The following GRID2 variants were observed in gnomAD, a reference collection of about 807,000 sequenced individuals.
The protein encoded by GRID2 is glutamate ionotropic receptor delta type subunit 2.
In GRID2, 33 loss-of-function variants were observed where a neutral mutation model predicts 114.8. The observed-to-expected ratio is 0.29, with a 90% CI of 0.22 to 0.38. GRID2 has a LOEUF of 0.38. Ranked by LOEUF, GRID2 falls within the 10% of genes least tolerant of loss-of-function variation. The pLI is 1.00. For missense variants in GRID2, 1,184 were observed against 1,257.7 expected (o/e 0.94, Z 0.89); for synonymous variants, 505 against 449.9 (o/e 1.12, Z -1.55).
In GRID2 at chr4:92,743,949, C is replaced by T. The variant is rs189641861; in HGVS notation, c.244+153663C>T. Among the ~76,000 whole-genome samples the T allele has an allele frequency of 3.6e-3, 553 of 152,152 alleles. 2 individuals carry two copies. Among genetic ancestry groups the T allele is most frequent in the African/African-American group, 0.013 (528 of 41,500 alleles). On this transcript the variant is annotated intron_variant, in intron 2 of 15. Coordinates refer to ENST00000282020, the MANE Select transcript of GRID2 (RefSeq NM_001510.4). ...TTCAGGTTTCTTAAGTCTATTTGAC[C>T]GCTTGATATGATGCTCCTTAGTTCT...
chr4:92,826,254 A>G (rs1051354396), intron 2 of GRID2, among the ~76,000 whole-genome samples: 1 of 152,022 alleles, frequency 6.6e-6, no homozygotes, highest in African/African-American at 2.4e-5. Flanking sequence ...TGCACTTGCT[A>G]TCCTCTGCCT....
chr4:93,264,642 A>G (rs1173485066), intron 8 of GRID2, among the ~76,000 whole-genome samples: 1 of 149,288 alleles, frequency 6.7e-6, no homozygotes, highest in African/African-American at 2.5e-5. Context: ...ACATAATTTC[A>G]GTGCCTAGGT....
intron 1 of GRID2, among the ~76,000 whole-genome samples, chr4:92,389,610 C>A (rs181072277): frequency 6.6e-6 from 1 of 152,040 alleles, no homozygotes; most frequent in African/African-American, 2.4e-5. Context: ...CTGGAATTTC[C>A]TTCCATCTAA....
intron 2 of GRID2, among the ~76,000 whole-genome samples, chr4:92,643,018 C>T (rs777370000): frequency 2.0e-5 from 3 of 151,442 alleles, no homozygotes; most frequent in Admixed American, 6.6e-5. Context: ...TATAGTTTGA[C>T]GTTAAGTAAT....
intron 1 of GRID2, among the ~76,000 whole-genome samples, chr4:92,501,134 G>A (rs1254228678): frequency 1.3e-5 from 2 of 152,106 alleles, no homozygotes; most frequent in East Asian, 1.9e-4. Context: ...AGGACAACAG[G>A]AATGCATTCG....
At chr4:93,722,299 G>A (rs1729453205) in intron 14 of GRID2, among the ~76,000 whole-genome samples, 1 of 152,008 alleles carries the variant, frequency 6.6e-6, no homozygotes, top group Non-Finnish European at 1.5e-5. Flanking sequence ...CCACCCCAAG[G>A]TTATATGCTA....
At chr4:93,739,637 A>C (rs1400939313) in intron 14 of GRID2, among the ~76,000 whole-genome samples, 1 of 152,180 alleles carries the variant, frequency 6.6e-6, no homozygotes, top group Non-Finnish European at 1.5e-5. Context: ...AGTTGCCACT[A>C]TCCAAAAAAT....
intron 11 of GRID2, among the ~76,000 whole-genome samples, chr4:93,473,426 T>C (rs1184752366): frequency 6.6e-6 from 1 of 152,138 alleles, no homozygotes; most frequent in Non-Finnish European, 1.5e-5. Context: ...TTTAGAAAAG[T>C]AATAGTCAAT....
At chr4:93,137,342 C>A (rs1019291083) in intron 4 of GRID2, among the ~76,000 whole-genome samples, 1 of 152,120 alleles carries the variant, frequency 6.6e-6, no homozygotes, top group Non-Finnish European at 1.5e-5. Context: ...ATTATGATTA[C>A]TATGCAGGAT....
Position 93,555,407 on chromosome 4 carries a change from C to T in GRID2, c.2193+39996C>T, listed in dbSNP as rs113925387. ...AGAAGTCTCAAGTCGACCTGGGATG[C>T]TCGAGCTTGGTGCGGGGAAGGGAGT... On this transcript the variant is annotated intron_variant, in intron 13 of 15. Coordinates refer to ENST00000282020, the MANE Select transcript of GRID2 (RefSeq NM_001510.4). Among the ~76,000 whole-genome samples, 268 of 152,276 alleles carry T rather than the reference C, an allele frequency of 1.8e-3. 1 individual carries two copies. Among genetic ancestry groups the T allele is most frequent in the African/African-American group, 6.1e-3 (254 of 41,584 alleles).
At chr4:93,187,763 A>G (rs1740574103) in intron 4 of GRID2, among the ~76,000 whole-genome samples, 1 of 152,248 alleles carries the variant, frequency 6.6e-6, no homozygotes, top group Non-Finnish European at 1.5e-5. Flanking sequence ...GATTGGACAG[A>G]CATAGAAAAC....
intron 2 of GRID2, among the ~76,000 whole-genome samples, chr4:93,015,839 T>C (rs1410579072): frequency 1.3e-5 from 2 of 151,322 alleles, no homozygotes; most frequent in Non-Finnish European, 2.9e-5. Context: ...TAGATCAGTG[T>C]TTCTTATAGC....
At chr4:93,134,058 C>T (rs530816625) in intron 4 of GRID2, among the ~76,000 whole-genome samples, 1 of 152,158 alleles carries the variant, frequency 6.6e-6, no homozygotes, top group East Asian at 1.9e-4. Context: ...TAACTCATCT[C>T]CCAGTTAAAC....
At chr4:92,666,782 ATG>A (rs1311627784) in intron 2 of GRID2, among the ~76,000 whole-genome samples, 1 of 150,360 alleles carries the variant, frequency 6.7e-6, no homozygotes, top group Non-Finnish European at 1.5e-5. Flanking sequence ...GTTCACAAAA[ATG>A]AGAAAAAGAA....
At chr4:92,526,339 A>AT (rs1411963472) in intron 1 of GRID2, among the ~76,000 whole-genome samples, 3 of 151,964 alleles carry the variant, frequency 2.0e-5, no homozygotes, top group South Asian at 2.1e-4. Context: ...TGATAGTTGC[A>AT]TTTTTTGTTT....
intron 2 of GRID2, among the ~76,000 whole-genome samples, chr4:92,593,921 T>C (rs1252406432): frequency 6.8e-6 from 1 of 146,926 alleles, no homozygotes; most frequent in South Asian, 2.2e-4. Context: ...AAAAGATAAA[T>C]ACAAAAAGAA....
chr4:93,127,263 A>G (rs1252031527), intron 4 of GRID2, among the ~76,000 whole-genome samples: 3 of 152,136 alleles, frequency 2.0e-5, no homozygotes, highest in African/African-American at 4.8e-5. Context: ...TTGGTTTCCA[A>G]GTGACATTTA....
chr4:92,882,504 T>C (rs1356043544), intron 2 of GRID2, among the ~76,000 whole-genome samples: 2 of 152,184 alleles, frequency 1.3e-5, no homozygotes, highest in African/African-American at 2.4e-5. Context: ...TCTCTCATTT[T>C]TTTTTTAATT....
At chr4:93,660,333 AG>A (rs1723379577) in intron 14 of GRID2, among the ~76,000 whole-genome samples, 1 of 152,208 alleles carries the variant, frequency 6.6e-6, no homozygotes. Flanking sequence ...AGATACATGT[AG>A]TCACCCAAAG....
Sources: allele counts gnomAD v4.1 joint callset (sites outside exome capture counted in the v4.1 genomes callset), GRCh38; gene constraint gnomAD v4.1.1; transcripts MANE v1.5; gene names NCBI Gene and HGNC (gene_info 2026-07-23, HGNC 2026-07-21).